The following CYP20A1 variants were observed in gnomAD, a reference collection of about 807,000 sequenced individuals.
CYP20A1 encodes cytochrome P450 20A1.
Under a neutral mutation model 61.4 loss-of-function variants are expected in CYP20A1, and 61 were observed. The ratio of observed to expected loss-of-function variants is 0.99; its 90% CI spans 0.81 to 1.23. The LOEUF (loss-of-function observed/expected upper bound fraction) is 1.23. CYP20A1 is among the 50% of genes most tolerant of loss of function. CYP20A1 has a pLI of 0.00. For synonymous variants in CYP20A1, 193 were observed against 188.2 expected, an observed-to-expected ratio of 1.03 and a Z score of -0.21; for missense variants, 530 against 542.4, an observed-to-expected ratio of 0.98 and a Z score of 0.23.
chr2:203,277,774 A>G (rs938431071), intron 6 of CYP20A1, among the ~76,000 whole-genome samples: 2 of 151,912 alleles, frequency 1.3e-5, no homozygotes, highest in African/African-American at 2.4e-5. Flanking sequence ...TCGGCCTCCC[A>G]AAGTGCTGGG....
rs978878957 is a variant in CYP20A1 at position 203,299,013 on chromosome 2, C to T, written c.*2105C>T. On this transcript the variant is annotated 3_prime_UTR_variant, in exon 13 of 13. Transcript: ENST00000356079. Reference sequence around the variant, plus strand: ...TTGTGCTAGTGCACTCCAGCCTGGGCGACAGGGCTGAGACCTTGTCTCAAA... The same window carrying T: ...TTGTGCTAGTGCACTCCAGCCTGGGTGACAGGGCTGAGACCTTGTCTCAAA... Among the ~76,000 whole-genome samples, 3 of 151,718 alleles carry T rather than the reference C, an allele frequency of 2.0e-5. No individual in the cohort carries two copies. The highest frequency in any genetic ancestry group is 2.4e-5 in the African/African-American group (1 of 41,302).
intron 4 of CYP20A1, among the ~76,000 whole-genome samples, chr2:203,260,613 G>A (rs963292824): frequency 3.3e-5 from 5 of 152,080 alleles, no homozygotes; most frequent in Non-Finnish European, 7.4e-5. Context: ...CCTGCACCTC[G>A]GCTCAAGTGA....
rs2066145970 is a variant in CYP20A1 at position 203,239,104 on chromosome 2, G to A, written c.42G>A (p.Ala14=). 6 of 1,613,532 alleles carry A rather than the reference G, an allele frequency of 3.7e-6. No individual in the cohort carries two copies. The highest frequency in any genetic ancestry group is 1.7e-5 in the Admixed American group (1 of 59,980). The change falls in exon 1 of 13, where the codon GCG becomes GCA. Residue 14 remains alanine (A), a synonymous_variant. Coordinates refer to ENST00000356079, the MANE Select transcript of CYP20A1 (RefSeq NM_177538.3). ...TCTTCGCCGTTACCTTCTTGCTGGCGTTGGTGGGAGCCGTGCTCTACCTCT... is the reference window on the plus strand; with the variant it reads ...TCTTCGCCGTTACCTTCTTGCTGGCATTGGTGGGAGCCGTGCTCTACCTCT... The part of the protein sequence containing the change: ...FAIFAVTFLL[A]LVGAVLYLYP...
At chr2:203,267,119 A>T (rs2067356060) in intron 5 of CYP20A1, among the ~76,000 whole-genome samples, 1 of 152,034 alleles carries the variant, frequency 6.6e-6, no homozygotes, top group African/African-American at 2.4e-5. Flanking sequence ...CTACCATTGC[A>T]GCACTGCACT....
intron 4 of CYP20A1, 89 bp from the exon 5 acceptor site, chr2:203,266,425 G>C: frequency 8.5e-7 from 1 of 1,179,054 alleles, no homozygotes; most frequent in Non-Finnish European, 1.2e-6. Flanking sequence ...GAGTTTAACT[G>C]TTTGCCATTA....
In CYP20A1 at chr2:203,246,912, A is replaced by G; in HGVS notation, c.280A>G (p.Asn94Asp). The change falls in exon 3 of 13, where the codon AAT becomes GAT. Residue 94 changes from asparagine (N) to aspartate (D), a missense_variant. Coordinates refer to ENST00000356079, the MANE Select transcript of CYP20A1 (RefSeq NM_177538.3). ...VDVLKQHINPNKTSDPFETML... is the reference protein window; with the variant it reads ...VDVLKQHINPDKTSDPFETML... ...TGTACTGAAGCAGCATATCAATCCC[A>G]ATAAGACATGTAAGTTTAATTTTCT... 6.2e-7 allele frequency: 1 copy of G among 1,610,382 alleles called. No individual in the cohort carries two copies.
chr2:203,249,192 T>C (rs2066569512), intron 3 of CYP20A1, among the ~76,000 whole-genome samples: 1 of 152,226 alleles, frequency 6.6e-6, no homozygotes, highest in Non-Finnish European at 1.5e-5. Flanking sequence ...TAAATCTGTC[T>C]ACATAAAAAT....
At chr2:203,250,423 C>T (rs1161823498) in intron 3 of CYP20A1, among the ~76,000 whole-genome samples, 3 of 152,068 alleles carry the variant, frequency 2.0e-5, no homozygotes, top group Non-Finnish European at 4.4e-5. Context: ...AGTTACTTGC[C>T]TAAGGTCACA....
rs375997350 is a variant in CYP20A1, at chr2:203,289,620, A to G, written c.972-145A>G. 4.6e-4 allele frequency: 167 copies of G among 362,546 alleles called. 2 individuals are homozygous for G. The East Asian group carries it at 4.7e-3, about 10-fold the overall frequency. The allele number at this position is 362,546 out of a possible 1,614,324, so 22.5% of individuals were successfully genotyped here. A position where few individuals can be genotyped will look rare whatever the true frequency, so the allele number is the denominator to read the frequency against. On this transcript the variant is annotated intron_variant, in intron 9 of 12. Coordinates refer to ENST00000356079, the MANE Select transcript of CYP20A1 (RefSeq NM_177538.3). The stretch of plus-strand genomic sequence containing the variant: ...TCTTTATGTACTTCTAATATATAAC[A>G]TATCTTTAAGCAGATAAGAATTATG...
At chr2:203,294,941 ATTTTTTTTTTTT>A (rs1167546590) in intron 11 of CYP20A1, among the ~76,000 whole-genome samples, 24 of 45,470 alleles carry the variant, frequency 5.3e-4, no homozygotes, top group African/African-American at 1.7e-3. Flanking sequence ...CTTTAAAAAA[ATTTTTTTTTTTT>A]TTTTTTTTTT....
At chr2:203,259,924 C>T (rs937338390) in intron 4 of CYP20A1, 1 of 149,614 alleles carries the variant, frequency 6.7e-6, no homozygotes, top group African/African-American at 2.5e-5. Context: ...GGATTACAGG[C>T]ATATCTTTTT....
intron 6 of CYP20A1, among the ~76,000 whole-genome samples, chr2:203,277,059 T>C (rs527390633): frequency 6.6e-6 from 1 of 152,062 alleles, no homozygotes; most frequent in Admixed American, 6.6e-5. Flanking sequence ...CATGAAAAAG[T>C]GTTTCTTGGC....
chr2:203,255,679 CA>C (rs2066867842), intron 4 of CYP20A1, among the ~76,000 whole-genome samples: 1 of 152,160 alleles, frequency 6.6e-6, no homozygotes, highest in South Asian at 2.1e-4. Context: ...ATGTAGTCTT[CA>C]GGACTTTTTA....
chr2:203,289,020 A>ACTC (rs2068421290), intron 9 of CYP20A1, among the ~76,000 whole-genome samples: 1 of 152,190 alleles, frequency 6.6e-6, no homozygotes. Flanking sequence ...ATATTGCCAA[A>ACTC]TTATGCTTCT....
At chr2:203,255,719 G>A (rs948569091) in intron 4 of CYP20A1, among the ~76,000 whole-genome samples, 4 of 152,104 alleles carry the variant, frequency 2.6e-5, no homozygotes, top group African/African-American at 9.7e-5. Flanking sequence ...TTTCCAGCCT[G>A]GTTTCCCACA....
At chr2:203,244,632 T>G (rs2066386640) in intron 1 of CYP20A1, among the ~76,000 whole-genome samples, 1 of 151,046 alleles carries the variant, frequency 6.6e-6, no homozygotes, top group African/African-American at 2.4e-5. Context: ...CGACGAAAAA[T>G]GTACTGGATA....
rs370880333 is a variant in CYP20A1, at chr2:203,239,058, G to A, written c.-5G>A. On this transcript the variant is annotated 5_prime_UTR_variant, in exon 1 of 13. Transcript: ENST00000356079. ...CCGAGACGTGGCTCCCTGGGCGGCA[G>A]AACCATGTTGGACTTCGCGATCTTC... 29 of 1,613,434 alleles carry A rather than the reference G, an allele frequency of 1.8e-5. No homozygotes were observed. The highest frequency in any genetic ancestry group is 9.3e-5 in the African/African-American group (7 of 74,930).
intron 6 of CYP20A1, among the ~76,000 whole-genome samples, chr2:203,273,763 G>C (rs1405367815): frequency 6.6e-6 from 1 of 152,116 alleles, no homozygotes; most frequent in African/African-American, 2.4e-5. Flanking sequence ...AGCCAACATA[G>C]TGAAACCCTA....
In CYP20A1 at chr2:203,296,506, T is replaced by C. The variant is rs762248136; in HGVS notation, c.1181T>C (p.Val394Ala). 6.2e-7 allele frequency: 1 copy of C among 1,612,664 alleles called. No homozygotes were observed. The highest frequency in any genetic ancestry group is 8.5e-7 in the Non-Finnish European group (1 of 1,179,254). ...FDPDRFDDEL[V>A]MKTFSSLGFS... Reference sequence around the variant, plus strand: ...CCAGATCGGTTTGATGATGAATTAGTAATGAAAACTTTTTCCTCACTTGGA... The same window carrying C: ...CCAGATCGGTTTGATGATGAATTAGCAATGAAAACTTTTTCCTCACTTGGA... The change falls in exon 12 of 13, where the codon GTA becomes GCA. Residue 394 changes from valine to alanine, a missense_variant. Val to Ala is a moderately conservative substitution (Grantham distance 64). Coordinates refer to ENST00000356079, the MANE Select transcript of CYP20A1 (RefSeq NM_177538.3).
Sources: allele counts gnomAD v4.1 joint callset (sites outside exome capture counted in the v4.1 genomes callset), GRCh38; gene constraint gnomAD v4.1.1; transcripts MANE v1.5; gene names NCBI Gene and HGNC (gene_info 2026-07-23, HGNC 2026-07-21).